The following NPIPB6 variants were observed in gnomAD, a reference collection of about 807,000 sequenced individuals.
NPIPB6 encodes the protein nuclear pore complex interacting protein family member B6.
A neutral mutation model predicts 20.0 loss-of-function variants in NPIPB6; 2 were observed. The ratio of observed to expected loss-of-function variants is 0.10; its 90% confidence interval spans 0.04 to 0.31. The LOEUF (loss-of-function observed/expected upper bound fraction) is 0.31. Ranked by LOEUF, NPIPB6 falls within the 10% of genes least tolerant of loss-of-function variation. NPIPB6 has a pLI of 1.00. For synonymous variants in NPIPB6, 35 were observed against 116.3 expected, an observed-to-expected ratio of 0.30 and a Z score of 4.50; for missense variants, 96 against 293.7, an observed-to-expected ratio of 0.33 and a Z score of 4.92.
chr16:28,360,558 A>C (rs2045407830), intron 1 of NPIPB6, among the ~76,000 whole-genome samples: 1 of 136,556 alleles, frequency 7.3e-6, no homozygotes, highest in African/African-American at 2.5e-5. Flanking sequence ...ATTTCCCATC[A>C]GTTCCCCACT....
At chr16:28,361,735 T>A (rs1364368920) in intron 1 of NPIPB6, among the ~76,000 whole-genome samples, 4 of 62,716 alleles carry the variant, frequency 6.4e-5, no homozygotes, top group Admixed American at 5.1e-4. Context: ...TCTATATGTG[T>A]GTGTGTGTGT....
In NPIPB6 at chr16:28,348,823, G is replaced by T; in HGVS notation, c.599+11C>A. ...TTCATACAACAGTATTTGTGTCAAG[G>T]CACATCTTACTGTTTTCTGGCGGTC... On this transcript the variant is annotated intron_variant, in intron 4 of 6. Transcript: ENST00000532254. The T allele has an allele frequency of 9.3e-6, 1 of 107,104 alleles. No homozygotes were observed. Among genetic ancestry groups the T allele is most frequent in the South Asian group, 4.8e-5 (1 of 20,642 alleles). 6.6% of individuals were successfully genotyped at this position (107,104 alleles called of 1,614,324 possible).
chr16:28,346,395 C>G (rs1320171029), intron 4 of NPIPB6, among the ~76,000 whole-genome samples: 2 of 117,396 alleles, frequency 1.7e-5, no homozygotes, highest in Middle Eastern at 3.7e-3. Context: ...AATATGGTGT[C>G]ATTAACCCCG....
At chr16:28,342,825 C>A (rs746840655) in exon 7 of NPIPB6, 8 of 1,568,866 alleles carry the variant, frequency 5.1e-6, no homozygotes, top group East Asian at 2.4e-5. Context: ...GGTTTTTCCA[C>A]CTCGGCCTCC....
intron 1 of NPIPB6, among the ~76,000 whole-genome samples, chr16:28,362,230 TG>T (rs2045458930): frequency 1.4e-5 from 2 of 147,994 alleles, no homozygotes; most frequent in African/African-American, 5.0e-5. Context: ...CCTGAGTAGC[TG>T]GGACTACAGG....
intron 1 of NPIPB6, among the ~76,000 whole-genome samples, chr16:28,362,102 A>ATTTTT (rs765651989): frequency 2.2e-3 from 286 of 131,298 alleles, no homozygotes; most frequent in African/African-American, 8.1e-3. Flanking sequence ...TTGCAGGATA[A>ATTTTT]TTTTTTTTTT....
chr16:28,349,759 A>C lies in NPIPB6; in HGVS notation c.304-518T>G, dbSNP rs1225670449. On this transcript the variant is annotated intron_variant, in intron 2 of 6. Transcript: ENST00000532254. ...CAAAATTAACCAGGCATGGTGGTGC[A>C]TGCCTGTAGTCCCAGCTAGTCAGGA... Among the ~76,000 whole-genome samples, 18 of 111,118 alleles carry C rather than the reference A, an allele frequency of 1.6e-4. 2 individuals carry two copies. The highest frequency in any genetic ancestry group is 3.2e-4 in the Non-Finnish European group (16 of 49,730). 72.9% of individuals were successfully genotyped at this position (111,118 alleles called of 152,430 possible).
At chr16:28,347,844 G>A (rs891566097) in intron 4 of NPIPB6, among the ~76,000 whole-genome samples, 6 of 103,472 alleles carry the variant, frequency 5.8e-5, no homozygotes, top group African/African-American at 1.9e-4. Context: ...GGGCACGGTG[G>A]CTCACGCCTG....
intron 1 of NPIPB6, among the ~76,000 whole-genome samples, chr16:28,353,449 A>C (rs1435801018): frequency 3.0e-5 from 2 of 66,020 alleles, no homozygotes; most frequent in African/African-American, 5.3e-5. Flanking sequence ...GTTCCGCTCC[A>C]CTCAGTCGCC....
At chr16:28,361,386 T>C (rs2045427965) in intron 1 of NPIPB6, among the ~76,000 whole-genome samples, 2 of 148,132 alleles carry the variant, frequency 1.4e-5, no homozygotes, top group Non-Finnish European at 1.5e-5. Flanking sequence ...CTATGCATAT[T>C]CTTTCATAGC....
At chr16:28,360,422 C>T (rs1382747934) in intron 1 of NPIPB6, among the ~76,000 whole-genome samples, 3 of 131,638 alleles carry the variant, frequency 2.3e-5, no homozygotes, top group Admixed American at 8.0e-5. Context: ...CTGATTACAT[C>T]CGACCAAACT....
chr16:28,356,016 G>C (rs2141625458), intron 1 of NPIPB6, among the ~76,000 whole-genome samples: 1 of 93,606 alleles, frequency 1.1e-5, no homozygotes, highest in East Asian at 3.1e-4. Context: ...GTTGTAATCT[G>C]AGCTACTCAG....
In NPIPB6 at chr16:28,348,299, G is replaced by A. The variant is rs866339197; in HGVS notation, c.599+535C>T. Among the ~76,000 whole-genome samples the A allele has an allele frequency of 3.6e-5, 4 of 109,636 alleles. No individual in the cohort carries two copies. The South Asian group carries it at 8.1e-4, about 22-fold the overall frequency. 71.9% of individuals were successfully genotyped at this position (109,636 alleles called of 152,430 possible). On this transcript the variant is annotated intron_variant, in intron 4 of 6. Coordinates refer to ENST00000532254, the Ensembl canonical transcript of NPIPB6. ...AAAATTTTAAAAAAAAAAAAAAAAG[G>A]CTGGGTGTGGTGGCTCACACCTCTA...
At chr16:28,346,307 C>T in intron 4 of NPIPB6, 2 of 810,640 alleles carry the variant, frequency 2.5e-6, no homozygotes, top group Non-Finnish European at 2.9e-6. Flanking sequence ...TCATCTGACT[C>T]TTCCTGTGTG....
chr16:28,361,541 G>GTGT (rs2045432614), intron 1 of NPIPB6, among the ~76,000 whole-genome samples: 1 of 148,866 alleles, frequency 6.7e-6, no homozygotes, highest in South Asian at 2.1e-4. Flanking sequence ...GGCCAATATG[G>GTGT]TGAAACCCCA....
intron 1 of NPIPB6, among the ~76,000 whole-genome samples, 177 bp downstream of exon 2, chr16:28,362,525 CA>C (rs2045465720): frequency 1.3e-5 from 2 of 150,330 alleles, no homozygotes; most frequent in African/African-American, 4.9e-5. Context: ...GGTTTTCATC[CA>C]AATAAGTCAA....
chr16:28,342,627 C>A, exon 7 of NPIPB6: 1 of 1,522,864 alleles, frequency 6.6e-7, no homozygotes, highest in Non-Finnish European at 8.9e-7. Flanking sequence ...ATTCTTATTG[C>A]CCAGGCTTGA....
Position 28,358,683 on chromosome 16 carries a change from CAG to C in NPIPB6, c.120+4018_120+4019del, listed in dbSNP as rs1297259149. Among the ~76,000 whole-genome samples the C allele has an allele frequency of 3.1e-5, 3 of 96,106 alleles. No homozygotes were observed. The Admixed American group carries it at 3.2e-4, about 10-fold the overall frequency. 63.0% of individuals were successfully genotyped at this position (96,106 alleles called of 152,430 possible). On this transcript the variant is annotated intron_variant, in intron 1 of 6. Coordinates refer to ENST00000532254, the Ensembl canonical transcript of NPIPB6. ...CACCACTGCACTCCAGACTAGGCGA[CAG>C]AGAGAGACTCTTGTCTCAAAAACAG...
chr16:28,361,750 GTGTGTGTGTGTGTGTGTGTA>G (rs879940486), intron 1 of NPIPB6, among the ~76,000 whole-genome samples: 1,450 of 73,758 alleles, frequency 0.02, 5 homozygotes, highest in Non-Finnish European at 0.033. Context: ...GTGTGTGTGT[GTGTGTGTGTGTGTGTGTGTA>G]TGTGTGTGTG....
Sources: gnomAD v4.1 joint callset for allele counts (sites outside exome capture counted in the v4.1 genomes callset) on GRCh38, gnomAD v4.1.1 for gene constraint, MANE v1.5 for transcripts, NCBI Gene and HGNC (gene_info 2026-07-23, HGNC 2026-07-21) for gene names.